Variants in RBM44 observed in about 807,000 individuals in gnomAD.
RBM44 encodes the protein RNA binding motif protein 44, also known as RNA-binding protein 44.
A neutral mutation model predicts 105.1 loss-of-function variants in RBM44; 66 were observed. That is an observed-to-expected ratio of 0.63 (90% CI 0.52 to 0.77). RBM44 has a LOEUF of 0.77. Ranked by LOEUF, RBM44 falls within the 30% of genes least tolerant of loss-of-function variation. The pLI, the probability that RBM44 is intolerant of heterozygous loss-of-function variation, is 0.00. For synonymous variants in RBM44, 365 were observed against 417.6 expected, an observed-to-expected ratio of 0.87 and a Z score of 1.54; for missense variants, 1,122 against 1,207.8, an observed-to-expected ratio of 0.93 and a Z score of 1.05.
At chr2:237,809,819 C>A (rs113109869) in intron 1 of RBM44, among the ~76,000 whole-genome samples, 2,392 of 152,302 alleles carry the variant, frequency 0.016, 66 homozygotes, top group African/African-American at 0.054. Context: ...GTAATCCCAG[C>A]TACTCAGGAG....
chr2:237,820,848 G>T, intron 5 of RBM44: 1 of 396,372 alleles, frequency 2.5e-6, no homozygotes, highest in African/African-American at 2.1e-5. Flanking sequence ...AAGAGTTCAA[G>T]ACCAATGTGG....
chr2:237,825,981 T>C (rs187210661), intron 10 of RBM44, among the ~76,000 whole-genome samples: 140 of 152,218 alleles, frequency 9.2e-4, no homozygotes, highest in African/African-American at 3.3e-3. Context: ...CTTACTCTAT[T>C]TGTGACCTAA....
At chr2:237,837,840 A>T (rs2061975053) in intron 15 of RBM44, among the ~76,000 whole-genome samples, 2 of 151,420 alleles carry the variant, frequency 1.3e-5, no homozygotes, top group African/African-American at 2.4e-5. Flanking sequence ...GCAGTCTACT[A>T]CTGGTGAACA....
chr2:237,826,517 T>C (rs535333795), intron 10 of RBM44, among the ~76,000 whole-genome samples: 1 of 152,314 alleles, frequency 6.6e-6, no homozygotes, highest in African/African-American at 2.4e-5. Context: ...TATATTATAA[T>C]ACCTGCTATT....
chr2:237,818,161 A>G lies in RBM44; in HGVS notation c.1242A>G (p.Pro414=). Reference sequence around the variant, plus strand: ...CCTTAGATTTTTCTGCTATGCTACCAAAGATCGCAGTCAGAGATAATCAGG... The same window carrying G: ...CCTTAGATTTTTCTGCTATGCTACCGAAGATCGCAGTCAGAGATAATCAGG... ...DSALDFSAML[P]KIAVRDNQAI... Residue 414 remains proline, a synonymous_variant, in exon 3 of 16, where the codon CCA becomes CCG. Coordinates refer to ENST00000316997, the MANE Select transcript of RBM44 (RefSeq NM_001080504.3). The surrounding 1 kb of genome is among the most constrained non-coding windows in gnomAD (Gnocchi z 4.6). 1 of 1,613,176 alleles carries G rather than the reference A, an allele frequency of 6.2e-7. No homozygotes were observed. Among genetic ancestry groups the G allele is most frequent in the Non-Finnish European group, 8.5e-7 (1 of 1,179,510 alleles).
chr2:237,835,737 A>G (rs2150990664), intron 15 of RBM44, among the ~76,000 whole-genome samples: 1 of 151,476 alleles, frequency 6.6e-6, no homozygotes. Context: ...AGGGTTGGTT[A>G]GTTCATGAGG....
Position 237,821,081 on chromosome 2 carries a change from A to G in RBM44, c.1924A>G (p.Ser642Gly). The change falls in exon 6 of 16, where the codon AGT becomes GGT. Residue 642 changes from serine to glycine, a missense_variant. Ser to Gly is a moderately conservative substitution (Grantham distance 56). Around this residue, in one of 3 missense-constraint regions of RBM44, gnomAD observed 918 missense variants for 955.3 expected, o/e 0.96. Transcript: ENST00000316997. ...NREGLNMNLS[S>G]NSAKKELGSA... The stretch of plus-strand genomic sequence containing the variant: ...TCAACTTTTGAACAGGAATTTATCA[A>G]GTAATTCTGCTAAGAAGGAATTGGG... 1 of 1,581,368 alleles carries G rather than the reference A, an allele frequency of 6.3e-7. No individual in the cohort carries two copies. The highest frequency in any genetic ancestry group is 1.7e-4 in the Middle Eastern group (1 of 5,922).
intron 2 of RBM44, among the ~76,000 whole-genome samples, chr2:237,815,343 A>G (rs933211489): frequency 6.6e-6 from 1 of 152,076 alleles, no homozygotes; most frequent in African/African-American, 2.4e-5. Context: ...ACTAACCTCA[A>G]ACTCTACTTG....
At position 237,820,330 on chromosome 2, in the gene RBM44, A is replaced by G; in HGVS notation, c.1892A>G (p.Glu631Gly). Residue 631 changes from glutamate (E) to glycine (G), a missense_variant, in exon 5 of 16, where the codon GAA becomes GGA. Physicochemically the swap from Glu to Gly is moderately conservative, Grantham distance 98. Coordinates refer to ENST00000316997, the MANE Select transcript of RBM44 (RefSeq NM_001080504.3). ...HCCDIYKLVM[E>G]NREGLNMNLS... ...TGTGATATTTACAAACTTGTCATGGAAAATAGGGAAGGATTAAATATGTGT... is the reference window on the plus strand; with the variant it reads ...TGTGATATTTACAAACTTGTCATGGGAAATAGGGAAGGATTAAATATGTGT... The G allele has an allele frequency of 6.3e-7, 1 of 1,589,280 alleles. No individual in the cohort carries two copies. The highest frequency in any genetic ancestry group is 8.6e-7 in the Non-Finnish European group (1 of 1,166,534).
Position 237,829,393 on chromosome 2 carries a change from A to G in RBM44, c.2777A>G (p.Lys926Arg). 1 of 1,613,758 alleles carries G rather than the reference A, an allele frequency of 6.2e-7. No individual in the cohort carries two copies. Among genetic ancestry groups the G allele is most frequent in the South Asian group, 1.1e-5 (1 of 91,070 alleles). The change falls in exon 13 of 16, where the codon AAA (lysine) becomes AGA (arginine). Residue 926 changes from lysine (K) to arginine (R), a missense_variant. By Grantham distance (26) the Lys-to-Arg change is conservative. Transcript: ENST00000316997. ...AGAATTAGTTCGAATAATTTAGAGA[A>G]AAGCACCAACAAACAAATCCACTCA... ...GNRISSNNLEKSTNKQIHSEF... is the reference protein window; with the variant it reads ...GNRISSNNLERSTNKQIHSEF...
At chr2:237,821,658 T>C in intron 7 of RBM44, 85 bp from the exon 8 acceptor site, 1 of 960,986 alleles carries the variant, frequency 1.0e-6, no homozygotes. Flanking sequence ...TTTAGCTACT[T>C]TGAAATATAC....
rs2150994891 is a variant in RBM44 at position 237,841,604 on chromosome 2, T to G, written c.*23-235T>G. Among the ~76,000 whole-genome samples the G allele has an allele frequency of 6.6e-6, 1 of 151,636 alleles. No homozygotes were observed. Among genetic ancestry groups the G allele is most frequent in the Non-Finnish European group, 1.5e-5 (1 of 67,960 alleles). ...TTTAAAATAAAATATCTGATTTTTC[T>G]TTATTAAAATGAAATAAAATGAGAG... On this transcript the variant is annotated intron_variant, in intron 15 of 15. Coordinates refer to ENST00000316997, the MANE Select transcript of RBM44 (RefSeq NM_001080504.3). This position sits in a 1 kb window ranked among gnomAD's most constrained non-coding sequence, Gnocchi z 4.5.
In RBM44 at chr2:237,818,798, G is replaced by A; in HGVS notation, c.1678-103G>A. 1 of 699,884 alleles carries A rather than the reference G, an allele frequency of 1.4e-6. No individual in the cohort carries two copies. Among genetic ancestry groups the A allele is most frequent in the Non-Finnish European group, 2.3e-6 (1 of 428,188 alleles). The allele number at this position is 699,884 out of a possible 1,614,324, so 43.4% of individuals were successfully genotyped here. On this transcript the variant is annotated intron_variant, in intron 3 of 15. Transcript: ENST00000316997. The surrounding 1 kb of genome is among the most constrained non-coding windows in gnomAD (Gnocchi z 4.6). Reference sequence around the variant, plus strand: ...CCACCAGTTCTATCCTCCTCTCCTGGCAGCTCCTCCCACAAAATCCATTAG... The same window carrying A: ...CCACCAGTTCTATCCTCCTCTCCTGACAGCTCCTCCCACAAAATCCATTAG...
intron 1 of RBM44, among the ~76,000 whole-genome samples, chr2:237,800,433 T>C (rs576384121): frequency 5.4e-4 from 82 of 152,352 alleles, no homozygotes; most frequent in African/African-American, 2.0e-3. Flanking sequence ...GCAAACGTTT[T>C]TAACTTTGGG....
chr2:237,834,573 T>C, intron 15 of RBM44, 150 bp downstream of exon 15: 1 of 370,694 alleles, frequency 2.7e-6, no homozygotes, highest in Non-Finnish European at 4.6e-6. Flanking sequence ...CATACTGTAA[T>C]TAGTTAACTA....
At chr2:237,809,085 T>A (rs117167235) in intron 1 of RBM44, among the ~76,000 whole-genome samples, 1 of 152,218 alleles carries the variant, frequency 6.6e-6, no homozygotes, top group African/African-American at 2.4e-5. Context: ...AATAACACAA[T>A]GTATGATCAG....
chr2:237,814,296 A>T (rs976211536), intron 2 of RBM44, among the ~76,000 whole-genome samples: 3 of 152,228 alleles, frequency 2.0e-5, no homozygotes, highest in African/African-American at 7.2e-5. Flanking sequence ...AGCATAATCA[A>T]TGCAGAAAGC....
chr2:237,811,615 G>A (rs1295938807), intron 1 of RBM44, among the ~76,000 whole-genome samples: 1 of 151,314 alleles, frequency 6.6e-6, no homozygotes, highest in Non-Finnish European at 1.5e-5. Flanking sequence ...GATATAAGAT[G>A]TATCTTTGAT....
chr2:237,818,055 C>T lies in RBM44; in HGVS notation c.1136C>T (p.Thr379Ile), dbSNP rs762584538. Reference protein sequence around the residue: ...TLLQPCKDCQTSWTSVFDDSI... With the variant: ...TLLQPCKDCQISWTSVFDDSI... ...CTCCAACCCTGTAAAGATTGTCAAA[C>T]TTCCTGGACCTCTGTTTTTGATGAT... The change falls in exon 3 of 16, where the codon ACT becomes ATT. Residue 379 changes from threonine to isoleucine, a missense_variant. Coordinates refer to ENST00000316997, the MANE Select transcript of RBM44 (RefSeq NM_001080504.3). This position sits in a 1 kb window ranked among gnomAD's most constrained non-coding sequence, Gnocchi z 4.6. 1.9e-6 allele frequency: 3 copies of T among 1,612,836 alleles called. No individual in the cohort carries two copies. Among genetic ancestry groups the T allele is most frequent in the Admixed American group, 1.7e-5 (1 of 59,778 alleles).
Sources: allele counts gnomAD v4.1 joint callset (sites outside exome capture counted in the v4.1 genomes callset), GRCh38; gene constraint gnomAD v4.1.1; regional missense constraint gnomAD v4.1.1; non-coding constraint Gnocchi (gnomAD v3.1); transcripts MANE v1.5; gene names NCBI Gene and HGNC (gene_info 2026-07-23, HGNC 2026-07-21).